TACR3: variants seen among roughly 807,000 people sequenced by gnomAD.
TACR3 encodes tachykinin receptor 3, also known as neuromedin-K receptor.
In TACR3, 34 loss-of-function variants were observed where a neutral mutation model predicts 35.0. The ratio of observed to expected loss-of-function variants is 0.97; its 90% CI spans 0.74 to 1.30. The LOEUF is 1.30. Ranked by LOEUF, TACR3 falls within the 50% of genes most tolerant of loss-of-function variation. TACR3 has a pLI of 0.00. For synonymous variants in TACR3, 233 were observed against 221.1 expected, an observed-to-expected ratio of 1.05 and a Z score of -0.48; for missense variants, 558 against 591.7, an observed-to-expected ratio of 0.94 and a Z score of 0.59.
At chr4:103,593,281 T>C (rs1723932893) in intron 3 of TACR3, 1 of 152,164 alleles carries the variant, frequency 6.6e-6, no homozygotes, top group South Asian at 2.1e-4. Context: ...TTACCCTCTA[T>C]TTACAGATAA....
intron 3 of TACR3, among the ~76,000 whole-genome samples, chr4:103,596,871 G>A (rs560592474): frequency 0.015 from 2,318 of 151,506 alleles, 45 homozygotes; most frequent in African/African-American, 0.045. Flanking sequence ...TTGTCCTTGC[G>A]ATAGTTTGCT....
intron 3 of TACR3, among the ~76,000 whole-genome samples, chr4:103,627,819 A>AC (rs1389400663): frequency 6.6e-6 from 1 of 151,988 alleles, no homozygotes; most frequent in Non-Finnish European, 1.5e-5. Flanking sequence ...ATAACTCTCC[A>AC]CCCCCATATC....
intron 3 of TACR3, among the ~76,000 whole-genome samples, chr4:103,618,813 C>T (rs1229244284): frequency 6.6e-6 from 1 of 151,984 alleles, no homozygotes; most frequent in Non-Finnish European, 1.5e-5. Flanking sequence ...TCTTCCACCT[C>T]CTTGGTCAGT....
At chr4:103,710,920 C>A (rs1180368297) in intron 1 of TACR3, among the ~76,000 whole-genome samples, 1 of 151,472 alleles carries the variant, frequency 6.6e-6, no homozygotes, top group East Asian at 1.9e-4. Flanking sequence ...TGGACACATA[C>A]ACCCTCCCAA....
At chr4:103,633,448 A>G (rs1353095969) in intron 3 of TACR3, among the ~76,000 whole-genome samples, 4 of 151,942 alleles carry the variant, frequency 2.6e-5, no homozygotes, top group Non-Finnish European at 5.9e-5. Flanking sequence ...ATTGGGGTAC[A>G]GGTGGTATTT....
chr4:103,629,243 C>T (rs1724986057), intron 3 of TACR3, among the ~76,000 whole-genome samples: 1 of 152,078 alleles, frequency 6.6e-6, no homozygotes, highest in Non-Finnish European at 1.5e-5. Context: ...ACAAGGATGC[C>T]CTCTCTCAAC....
At chr4:103,657,734 T>C (rs752242195) in intron 2 of TACR3, among the ~76,000 whole-genome samples, 14 of 152,126 alleles carry the variant, frequency 9.2e-5, no homozygotes, top group Non-Finnish European at 1.8e-4. Flanking sequence ...CTTTTCAATC[T>C]AGTGTTCAGG....
rs142063968 is a variant in TACR3, at chr4:103,667,197, G to A, written c.549-8794C>T. Reference sequence around the variant, plus strand: ...CACTTGAACCCAGGAGGCGGAGGTTGCAGTGAGTCAAGATCGCGCCATTGC... The same window carrying A: ...CACTTGAACCCAGGAGGCGGAGGTTACAGTGAGTCAAGATCGCGCCATTGC... On this transcript the variant is annotated intron_variant, in intron 1 of 4. Coordinates refer to ENST00000304883, the MANE Select transcript of TACR3 (RefSeq NM_001059.3). Among the ~76,000 whole-genome samples, 6 of 152,288 alleles carry A rather than the reference G, an allele frequency of 3.9e-5. No individual in the cohort carries two copies. In the East Asian group the frequency reaches 9.6e-4, roughly 24 times the overall value.
intron 1 of TACR3, among the ~76,000 whole-genome samples, chr4:103,695,429 T>C (rs1008355101): frequency 6.6e-6 from 1 of 152,176 alleles, no homozygotes; most frequent in Non-Finnish European, 1.5e-5. Flanking sequence ...TGTATGATGA[T>C]CCACTTTCAC....
chr4:103,626,874 ATTG>A (rs1306068312), intron 3 of TACR3, among the ~76,000 whole-genome samples: 1 of 151,862 alleles, frequency 6.6e-6, no homozygotes, highest in Non-Finnish European at 1.5e-5. Context: ...GTCCCTATGT[ATTG>A]TTTTAATTGT....
chr4:103,637,829 C>G (rs905568600), intron 3 of TACR3, among the ~76,000 whole-genome samples: 73 of 152,166 alleles, frequency 4.8e-4, no homozygotes, highest in African/African-American at 1.7e-3. Context: ...GAGTGAACTC[C>G]CTTTCACAAT....
intron 1 of TACR3, among the ~76,000 whole-genome samples, chr4:103,715,176 G>T (rs1723061529): frequency 6.6e-6 from 1 of 152,252 alleles, no homozygotes; most frequent in East Asian, 1.9e-4. Flanking sequence ...ATATGGTTTG[G>T]ATCTGTGTCT....
rs184407763 is a variant in TACR3, at chr4:103,603,442, G to A, written c.889-11759C>T. 6.5e-3 allele frequency among the ~76,000 whole-genome samples: 993 copies of A among 152,296 alleles called. 9 individuals carry two copies. Among genetic ancestry groups the A allele is most frequent in the Middle Eastern group, 0.02 (6 of 294 alleles). On this transcript the variant is annotated intron_variant, in intron 3 of 4. Coordinates refer to ENST00000304883, the MANE Select transcript of TACR3 (RefSeq NM_001059.3). ...TGGCACTCCCCAGTGAGATGAACCC[G>A]GTACCTCAGTTGGAAATGTAGAAAT...
At chr4:103,642,540 G>T (rs781561213) in intron 3 of TACR3, among the ~76,000 whole-genome samples, 2 of 151,756 alleles carry the variant, frequency 1.3e-5, no homozygotes, top group Non-Finnish European at 2.9e-5. Flanking sequence ...ATTATGCTAA[G>T]TGAAATAAGC....
chr4:103,602,674 G>T (rs1007769858), intron 3 of TACR3, among the ~76,000 whole-genome samples: 1 of 152,166 alleles, frequency 6.6e-6, no homozygotes, highest in Non-Finnish European at 1.5e-5. Context: ...TGTTTGCCTG[G>T]GTATCAGCAG....
chr4:103,619,554 T>C (rs1374717588), intron 3 of TACR3, among the ~76,000 whole-genome samples: 2 of 152,160 alleles, frequency 1.3e-5, no homozygotes, highest in Non-Finnish European at 1.5e-5. Context: ...TCCAGTACTA[T>C]GTTGAATAGG....
In TACR3 at chr4:103,709,272, C is replaced by A. The variant is rs958367088; in HGVS notation, c.548+9856G>T. Among the ~76,000 whole-genome samples, 4 of 152,146 alleles carry A rather than the reference C, an allele frequency of 2.6e-5. No homozygotes were observed. The East Asian group carries it at 7.7e-4, about 29-fold the overall frequency. On this transcript the variant is annotated intron_variant, in intron 1 of 4. Coordinates refer to ENST00000304883, the MANE Select transcript of TACR3 (RefSeq NM_001059.3). ...AGCCAGAGAGAAAGGTCGGGTTACC[C>A]ACAAAGGAAAGCCCATCAGACTAAC... is the stretch of plus-strand genomic sequence containing the variant.
At chr4:103,602,578 C>T (rs2031318492) in intron 3 of TACR3, among the ~76,000 whole-genome samples, 1 of 151,798 alleles carries the variant, frequency 6.6e-6, no homozygotes, top group South Asian at 2.1e-4. Flanking sequence ...TGTGGATGTC[C>T]TTTCTGTTTG....
chr4:103,664,335 C>A (rs1442268896), intron 1 of TACR3, among the ~76,000 whole-genome samples: 1 of 152,086 alleles, frequency 6.6e-6, no homozygotes, highest in Non-Finnish European at 1.5e-5. Context: ...AATAAGAAAG[C>A]CTTTCCAATT....
Sources: gnomAD v4.1 joint callset for allele counts (sites outside exome capture counted in the v4.1 genomes callset) on GRCh38, gnomAD v4.1.1 for gene constraint, MANE v1.5 for transcripts, NCBI Gene and HGNC (gene_info 2026-07-23, HGNC 2026-07-21) for gene names.